Variants in RBFOX1 observed in about 807,000 individuals in gnomAD.
RBFOX1 encodes RNA binding protein fox-1 homolog 1.
A neutral mutation model predicts 57.7 loss-of-function variants in RBFOX1; 8 were observed. The observed-to-expected ratio is 0.14, with a 90% CI of 0.08 to 0.25. RBFOX1 has a LOEUF of 0.25. Among genes scored for constraint, RBFOX1 ranks in the 10% least tolerant of loss-of-function variants. The pLI is 1.00. For missense variants in RBFOX1, 611 were observed against 548.5 expected (o/e 1.11, Z -1.14); for synonymous variants, 326 against 222.4 (o/e 1.47, Z -4.15).
At chr16:7,114,812 G>T (rs2065535034) in intron 4 of RBFOX1, among the ~76,000 whole-genome samples, 1 of 152,166 alleles carries the variant, frequency 6.6e-6, no homozygotes, top group African/African-American at 2.4e-5. Flanking sequence ...TTTTAGGTGT[G>T]ATAGCTGTAG....
intron 3 of RBFOX1, among the ~76,000 whole-genome samples, chr16:6,759,940 A>G (rs1175552927): frequency 6.6e-6 from 1 of 152,170 alleles, no homozygotes; most frequent in African/African-American, 2.4e-5. Flanking sequence ...CATTTATCAA[A>G]TATTAGTTGA....
chr16:5,696,513 A>G (rs1331308796), intron 3 of RBFOX1, among the ~76,000 whole-genome samples: 1 of 152,244 alleles, frequency 6.6e-6, no homozygotes, highest in African/African-American at 2.4e-5. Flanking sequence ...TGTAGGAATA[A>G]AATTATGTGA....
At chr16:6,681,296 T>A (rs997242773) in intron 3 of RBFOX1, among the ~76,000 whole-genome samples, 1 of 152,082 alleles carries the variant, frequency 6.6e-6, no homozygotes, top group African/African-American at 2.4e-5. Context: ...CCAGTTTAGG[T>A]GACAGAGCAA....
intron 1 of RBFOX1, among the ~76,000 whole-genome samples, chr16:6,164,286 T>G (rs2096900029): frequency 6.6e-6 from 1 of 152,300 alleles, no homozygotes; most frequent in East Asian, 1.9e-4. Context: ...TTTAAAAATA[T>G]AAGCCTGATA....
At chr16:6,369,872 C>T (rs1271307795) in intron 2 of RBFOX1, among the ~76,000 whole-genome samples, 1 of 152,128 alleles carries the variant, frequency 6.6e-6, no homozygotes, top group Non-Finnish European at 1.5e-5. Context: ...TGGTATAGTC[C>T]TCTGGTCTCA....
At chr16:7,509,799 GC>G (rs1022781024) in intron 4 of RBFOX1, among the ~76,000 whole-genome samples, 1 of 151,766 alleles carries the variant, frequency 6.6e-6, no homozygotes, top group Admixed American at 6.6e-5. Flanking sequence ...CTGAATGTTT[GC>G]CCTCCCCTCT....
At chr16:6,814,384 C>T (rs1180158668) in intron 3 of RBFOX1, among the ~76,000 whole-genome samples, 3 of 152,078 alleles carry the variant, frequency 2.0e-5, no homozygotes, top group Non-Finnish European at 1.5e-5. Context: ...CATTGTTTTC[C>T]ATCCATTCTT....
intron 3 of RBFOX1, among the ~76,000 whole-genome samples, chr16:6,738,726 AT>A (rs1443881091): frequency 6.6e-6 from 1 of 152,164 alleles, no homozygotes; most frequent in Non-Finnish European, 1.5e-5. Context: ...TTGAGAGACC[AT>A]GTCCTAGGCC....
chr16:6,998,151 A>T (rs947657944), intron 3 of RBFOX1, among the ~76,000 whole-genome samples: 1 of 152,136 alleles, frequency 6.6e-6, no homozygotes, highest in Non-Finnish European at 1.5e-5. Context: ...TTATTTACTT[A>T]TTGAGTGTAA....
At position 6,118,453 on chromosome 16, in the gene RBFOX1, G is replaced by A. The variant is rs78758291; in HGVS notation, c.-127+98461G>A. Among the ~76,000 whole-genome samples, 1,312 of 152,258 alleles carry A rather than the reference G, an allele frequency of 8.6e-3. 21 individuals carry two copies. Among genetic ancestry groups the A allele is most frequent in the African/African-American group, 0.03 (1,258 of 41,560 alleles). ...GTGCTGGTTTCCAGAATCATAGATG[G>A]CATCTTGTTGCCATGTCATCACACG... On this transcript the variant is annotated intron_variant, in intron 1 of 15. Coordinates refer to ENST00000550418, the MANE Select transcript of RBFOX1 (RefSeq NM_018723.4).
At chr16:5,799,886 A>AT (rs1397672390) in intron 3 of RBFOX1, among the ~76,000 whole-genome samples, 1 of 152,120 alleles carries the variant, frequency 6.6e-6, no homozygotes, top group Non-Finnish European at 1.5e-5. Flanking sequence ...TTTAAAATTA[A>AT]TTTAAAAAAA....
chr16:7,662,240 G>T (rs1330985672), intron 12 of RBFOX1, among the ~76,000 whole-genome samples: 2 of 152,112 alleles, frequency 1.3e-5, no homozygotes, highest in Admixed American at 6.5e-5. Flanking sequence ...TTAAAAGTAT[G>T]TTTCATATCT....
intron 3 of RBFOX1, among the ~76,000 whole-genome samples, chr16:5,724,185 A>C (rs1054726345): frequency 1.3e-5 from 2 of 152,242 alleles, no homozygotes; most frequent in African/African-American, 4.8e-5. Context: ...CTGAGTGGCA[A>C]GATATTCTTT....
intron 3 of RBFOX1, among the ~76,000 whole-genome samples, chr16:6,973,349 A>G (rs577558645): frequency 4.6e-5 from 7 of 152,362 alleles, no homozygotes; most frequent in African/African-American, 9.6e-5. Context: ...AGCAGCACTT[A>G]TTACAATGGT....
intron 1 of RBFOX1, among the ~76,000 whole-genome samples, chr16:5,367,695 A>G (rs371404688): frequency 7.9e-5 from 12 of 152,170 alleles, no homozygotes; most frequent in African/African-American, 2.9e-4. Flanking sequence ...ATTTCACTTA[A>G]TCTTCATAAC....
intron 1 of RBFOX1, among the ~76,000 whole-genome samples, chr16:5,444,809 T>C (rs2068192535): frequency 1.3e-5 from 2 of 152,224 alleles, no homozygotes; most frequent in Admixed American, 1.3e-4. Context: ...ATGTATTAGG[T>C]TGAACTGTAT....
At chr16:6,500,896 T>TGTTTGGTTGTTTGTTTG in intron 2 of RBFOX1, among the ~76,000 whole-genome samples, 1 of 142,376 alleles carries the variant, frequency 7.0e-6, no homozygotes, top group East Asian at 2.1e-4. Context: ...TTTTTTTTTT[T>TGTTTGGTTGTTTGTTTG]TTTTTAATGC....
intron 1 of RBFOX1, among the ~76,000 whole-genome samples, chr16:6,152,805 T>TA (rs916820689): frequency 6.6e-6 from 1 of 151,952 alleles, no homozygotes; most frequent in Non-Finnish European, 1.5e-5. Context: ...AACATCTGTC[T>TA]AAAAAAATGC....
At chr16:5,246,706 T>G (rs1237125945) in intron 1 of RBFOX1, among the ~76,000 whole-genome samples, 1 of 151,964 alleles carries the variant, frequency 6.6e-6, no homozygotes, top group Non-Finnish European at 1.5e-5. Context: ...AATCTCATTC[T>G]ATTGCCCAGG....
Sources: allele counts gnomAD v4.1 joint callset (sites outside exome capture counted in the v4.1 genomes callset), GRCh38; gene constraint gnomAD v4.1.1; transcripts MANE v1.5; gene names NCBI Gene and HGNC (gene_info 2026-07-23, HGNC 2026-07-21).